RCBTB1: variants seen among roughly 807,000 people sequenced by gnomAD.
RCBTB1 encodes the protein RCC1 and BTB domain containing protein 1.
A neutral mutation model predicts 62.4 loss-of-function variants in RCBTB1; 46 were observed. The ratio of observed to expected loss-of-function variants is 0.74; its 90% CI spans 0.58 to 0.94. The LOEUF is 0.94. Among genes scored for constraint, RCBTB1 ranks in the 40% least tolerant of loss-of-function variants. The pLI is 0.00. For synonymous variants in RCBTB1, 222 were observed against 245.8 expected (o/e 0.90, Z 0.91); for missense variants, 565 against 654.9 (o/e 0.86, Z 1.50).
In RCBTB1 at chr13:49,552,158, T is replaced by G; in HGVS notation, c.711+20A>C. ...GGAAGGTAGATGGGAAGCCACTAACTGAGAGTGCACCACACGTACCTGGTT... is the reference window on the plus strand; with the variant it reads ...GGAAGGTAGATGGGAAGCCACTAACGGAGAGTGCACCACACGTACCTGGTT... On this transcript the variant is annotated intron_variant, in intron 7 of 12. Coordinates refer to ENST00000378302, the MANE Select transcript of RCBTB1 (RefSeq NM_018191.4). 2 of 1,491,658 alleles carry G rather than the reference T, an allele frequency of 1.3e-6. No homozygotes were observed. Among genetic ancestry groups the G allele is most frequent in the Non-Finnish European group, 1.8e-6 (2 of 1,087,998 alleles). 92.4% of individuals were successfully genotyped at this position (1,491,658 alleles called of 1,614,324 possible).
At chr13:49,583,910 T>C (rs1964248218) in intron 1 of RCBTB1, among the ~76,000 whole-genome samples, 1 of 152,200 alleles carries the variant, frequency 6.6e-6, no homozygotes, top group African/African-American at 2.4e-5. Flanking sequence ...CCGAATGCCC[T>C]GCCTAGATTC....
rs933822602 is a variant in RCBTB1 at position 49,555,503 on chromosome 13, G to A, written c.603+12C>T. 1.9e-6 allele frequency: 3 copies of A among 1,610,460 alleles called. No homozygotes were observed. The highest frequency in any genetic ancestry group is 3.3e-5 in the Admixed American group (2 of 59,982). ...GAAGGTAGAAAGGGAAATGGGAGTG[G>A]AGACACCTCACCTCGCCATTGTCCA... On this transcript the variant is annotated intron_variant, in intron 6 of 12. Transcript: ENST00000378302.
At chr13:49,538,259 G>C (rs557589548) in intron 12 of RCBTB1, among the ~76,000 whole-genome samples, 1 of 152,236 alleles carries the variant, frequency 6.6e-6, no homozygotes, top group South Asian at 2.1e-4. Flanking sequence ...ATCCTGAGTA[G>C]CTAGAATACA....
intron 10 of RCBTB1, 65 bp downstream of exon 10, chr13:49,544,672 A>G: frequency 7.2e-7 from 1 of 1,389,188 alleles, no homozygotes; most frequent in Non-Finnish European, 9.9e-7. Context: ...ATCAGTACTC[A>G]TTTTGTGGAA....
intron 9 of RCBTB1, chr13:49,546,065 G>C: frequency 1.0e-6 from 1 of 984,796 alleles, no homozygotes; most frequent in Non-Finnish European, 1.2e-6. Context: ...TTGCAACCTG[G>C]ATCACTGGTG....
At chr13:49,568,131 T>C (rs1963150325) in intron 2 of RCBTB1, among the ~76,000 whole-genome samples, 1 of 152,220 alleles carries the variant, frequency 6.6e-6, no homozygotes, top group African/African-American at 2.4e-5. Flanking sequence ...CATAGGTGTA[T>C]GTGTATCTTT....
intron 9 of RCBTB1, 29 bp from the exon 10 acceptor site, chr13:49,544,892 GC>G (rs749263936): frequency 2.5e-6 from 4 of 1,582,434 alleles, no homozygotes; most frequent in Admixed American, 3.5e-5. Flanking sequence ...TATTAATATG[GC>G]AAGTTCAAGG....
chr13:49,572,677 G>A (rs887087322), intron 2 of RCBTB1, among the ~76,000 whole-genome samples: 6 of 151,766 alleles, frequency 4.0e-5, no homozygotes, highest in African/African-American at 9.7e-5. Context: ...GGTGGCGCAC[G>A]CTGGTAATCT....
intron 8 of RCBTB1, 76 bp downstream of exon 8, chr13:49,551,250 A>G (rs537493249): frequency 4.6e-6 from 7 of 1,518,632 alleles, no homozygotes; most frequent in Admixed American, 1.9e-5. Context: ...ACAAAGCCAA[A>G]CACCACAGCT....
intron 9 of RCBTB1, among the ~76,000 whole-genome samples, chr13:49,545,532 T>C (rs1349814655): frequency 6.6e-6 from 1 of 152,222 alleles, no homozygotes; most frequent in Non-Finnish European, 1.5e-5. Context: ...GAAGAATTGC[T>C]GTTGTGGTTA....
Position 49,540,868 on chromosome 13 carries a change from TAA to T in RCBTB1, c.1455+6_1455+7del, listed in dbSNP as rs147353299. Reference sequence around the variant, plus strand: ...GGTGGTCTGGTTTCTGTTTGTTGTTTAAGTTACCTCTGCATCATATCTGACTG... The same window carrying T: ...GGTGGTCTGGTTTCTGTTTGTTGTTTGTTACCTCTGCATCATATCTGACTG... On this transcript the variant is annotated splice_donor_region_variant and intron_variant, in intron 12 of 12. Coordinates refer to ENST00000378302, the MANE Select transcript of RCBTB1 (RefSeq NM_018191.4). 187 of 1,611,240 alleles carry T rather than the reference TAA, an allele frequency of 1.2e-4. No homozygotes were observed. In the African/African-American group the frequency reaches 2.3e-3, roughly 20 times the overall value.
At chr13:49,546,006 C>A in intron 9 of RCBTB1, 1 of 806,204 alleles carries the variant, frequency 1.2e-6, no homozygotes, top group South Asian at 5.7e-5. Context: ...GCTCTCCTGG[C>A]TACAGAGGAA....
intron 2 of RCBTB1, among the ~76,000 whole-genome samples, chr13:49,568,378 G>A (rs1282237205): frequency 6.6e-6 from 1 of 152,118 alleles, no homozygotes; most frequent in Non-Finnish European, 1.5e-5. Context: ...GACATGTCTT[G>A]TTTTATACAG....
At chr13:49,582,957 G>A (rs1964192327) in intron 1 of RCBTB1, among the ~76,000 whole-genome samples, 1 of 152,168 alleles carries the variant, frequency 6.6e-6, no homozygotes, top group South Asian at 2.1e-4. Context: ...CGGGAGGACT[G>A]CTTGAGGCTA....
intron 1 of RCBTB1, among the ~76,000 whole-genome samples, chr13:49,580,950 T>C (rs532719001): frequency 6.6e-6 from 1 of 152,198 alleles, no homozygotes; most frequent in African/African-American, 2.4e-5. Context: ...TCAGATGCTG[T>C]GGAGGCAACA....
intron 10 of RCBTB1, among the ~76,000 whole-genome samples, chr13:49,543,808 C>A (rs557714222): frequency 5.8e-4 from 88 of 152,290 alleles, no homozygotes; most frequent in African/African-American, 1.9e-3. Context: ...ACCTCAGCCT[C>A]CAGAGCAGCT....
chr13:49,560,946 C>T (rs991090999), intron 4 of RCBTB1, among the ~76,000 whole-genome samples: 9 of 152,210 alleles, frequency 5.9e-5, no homozygotes, highest in Non-Finnish European at 1.5e-5. Context: ...ATGCCACCCC[C>T]TCCCAGCACC....
rs751267261 is a variant in RCBTB1, at chr13:49,555,619, T to G, written c.499A>C (p.Asn167His). 9 of 1,613,266 alleles carry G rather than the reference T, an allele frequency of 5.6e-6. No individual in the cohort carries two copies. Among genetic ancestry groups the G allele is most frequent in the Non-Finnish European group, 7.6e-6 (9 of 1,179,620 alleles). ...GTAACTTTTCGAGGAGTTGGTTGAT[T>G]TGCTGTAGAACCTGATCCCACTTGG... ...CGQVGSGSTANQPTPRKVTNC... is the reference protein window; with the variant it reads ...CGQVGSGSTAHQPTPRKVTNC... The change falls in exon 6 of 13, where the codon AAT becomes CAT. Residue 167 changes from asparagine to histidine, a missense_variant. Transcript: ENST00000378302.
intron 5 of RCBTB1, among the ~76,000 whole-genome samples, chr13:49,558,011 AGCAG>A (rs1949186141): frequency 1.3e-5 from 2 of 152,246 alleles, no homozygotes; most frequent in South Asian, 4.1e-4. Flanking sequence ...TGTGGCTTAC[AGCAG>A]GTCCTTGAAA....
Sources: gnomAD v4.1 joint callset for allele counts (sites outside exome capture counted in the v4.1 genomes callset) on GRCh38, gnomAD v4.1.1 for gene constraint, MANE v1.5 for transcripts, NCBI Gene and HGNC (gene_info 2026-07-23, HGNC 2026-07-21) for gene names.